Variants in KIF25 observed in about 807,000 individuals in gnomAD.
KIF25 encodes kinesin-like protein KIF25.
KIF25 carries 19 observed loss-of-function variants against 32.9 expected under a neutral mutation model. That is an observed-to-expected ratio of 0.58 (90% CI 0.40 to 0.85). The LOEUF is 0.85. Among genes scored for constraint, KIF25 ranks in the 40% least tolerant of loss-of-function variants. KIF25 has a pLI of 0.00. For synonymous variants in KIF25, 225 were observed against 213.7 expected (o/e 1.05, Z -0.46); for missense variants, 485 against 507.0 (o/e 0.96, Z 0.42).
At chr6:168,010,237 G>C (rs757478637) in intron 4 of KIF25, among the ~76,000 whole-genome samples, 3 of 151,848 alleles carry the variant, frequency 2.0e-5, no homozygotes, top group Non-Finnish European at 4.4e-5. Context: ...GTGTCCCATA[G>C]GTTTTGGAAT....
At chr6:168,020,504 G>A (rs1160720705) in intron 5 of KIF25, among the ~76,000 whole-genome samples, 1 of 151,986 alleles carries the variant, frequency 6.6e-6, no homozygotes, top group African/African-American at 2.4e-5. Context: ...CTAGTTAACT[G>A]ATTAAAGAAA....
chr6:168,032,408 A>G, intron 7 of KIF25, among the ~76,000 whole-genome samples: 1 of 152,252 alleles, frequency 6.6e-6, no homozygotes. Flanking sequence ...AAATGCATGT[A>G]AATGAATTCA....
intron 5 of KIF25, among the ~76,000 whole-genome samples, chr6:168,025,073 A>G (rs985377455): frequency 4.6e-5 from 7 of 152,142 alleles, no homozygotes; most frequent in African/African-American, 1.7e-4. Context: ...AAAGAAAGAA[A>G]GGAATGTTTG....
At chr6:168,029,072 T>C (rs1798903789) in intron 5 of KIF25, among the ~76,000 whole-genome samples, 2 of 152,222 alleles carry the variant, frequency 1.3e-5, no homozygotes, top group African/African-American at 4.8e-5. Context: ...CACTAATTGA[T>C]TTCTTTTGTT....
intron 5 of KIF25, among the ~76,000 whole-genome samples, chr6:168,019,927 G>A (rs759159907): frequency 1.1e-4 from 17 of 152,164 alleles, no homozygotes; most frequent in Non-Finnish European, 1.8e-4. Flanking sequence ...GAGGTCAAGA[G>A]ATCGAGACCA....
intron 12 of KIF25, 136 bp from the exon 13 acceptor site, chr6:168,044,691 G>T: frequency 1.2e-6 from 1 of 857,110 alleles, no homozygotes; most frequent in Non-Finnish European, 1.8e-6. Flanking sequence ...GAACCTGCCA[G>T]ACGTGGCCAC....
rs1481801394 is a variant in KIF25, at chr6:168,039,454, G to A, written c.495-611G>A. ...GTGGGGGTGCAGCTGGGAGGTGACAGAAGGAACCCTCCCCATGAGTGAGGG... is the reference window on the plus strand; with the variant it reads ...GTGGGGGTGCAGCTGGGAGGTGACAAAAGGAACCCTCCCCATGAGTGAGGG... On this transcript the variant is annotated intron_variant, in intron 9 of 12. Transcript: ENST00000643607. Among the ~76,000 whole-genome samples, 9 of 152,388 alleles carry A rather than the reference G, an allele frequency of 5.9e-5. No individual in the cohort carries two copies. The South Asian group carries it at 1.4e-3, about 25-fold the overall frequency.
chr6:168,019,960 T>C (rs1175479634), intron 5 of KIF25, among the ~76,000 whole-genome samples: 1 of 152,128 alleles, frequency 6.6e-6, no homozygotes, highest in African/African-American at 2.4e-5. Flanking sequence ...GGTGAAACCC[T>C]GTCTCTACCA....
Position 168,042,444 on chromosome 6 carries a change from C to T in KIF25, c.830-117C>T. On this transcript the variant is annotated intron_variant, in intron 11 of 12. Coordinates refer to ENST00000643607, the MANE Select transcript of KIF25 (RefSeq NM_030615.4). ...GAAAGACACTCACTCTCATGCCTGTCCCGTCCATGGCCTCCCCTCTACCTG... is the reference window on the plus strand; with the variant it reads ...GAAAGACACTCACTCTCATGCCTGTTCCGTCCATGGCCTCCCCTCTACCTG... 2.3e-6 allele frequency: 3 copies of T among 1,288,782 alleles called. No individual in the cohort carries two copies. In the Admixed American group the frequency reaches 6.2e-5, roughly 27 times the overall value. The allele number at this position is 1,288,782 out of a possible 1,614,324, so 79.8% of individuals were successfully genotyped here.
chr6:168,000,331 A>C (rs1583121007), intron 2 of KIF25, among the ~76,000 whole-genome samples: 1 of 81,128 alleles, frequency 1.2e-5, no homozygotes, highest in Admixed American at 1.4e-4. Flanking sequence ...CCCCACTCCC[A>C]TCCTGACCAC....
At chr6:168,027,785 G>A (rs1044431351) in intron 5 of KIF25, among the ~76,000 whole-genome samples, 2 of 152,216 alleles carry the variant, frequency 1.3e-5, no homozygotes, top group Non-Finnish European at 1.5e-5. Flanking sequence ...TCTGTGTCGC[G>A]TCTCTTCAGA....
chr6:168,003,254 G>C (rs565706495), intron 3 of KIF25, among the ~76,000 whole-genome samples: 83 of 152,150 alleles, frequency 5.5e-4, no homozygotes, highest in African/African-American at 1.9e-3. Flanking sequence ...GGGTATTGGA[G>C]TAAAAAAATC....
At chr6:168,010,580 G>GA (rs1246232789) in intron 4 of KIF25, among the ~76,000 whole-genome samples, 4 of 152,216 alleles carry the variant, frequency 2.6e-5, no homozygotes, top group Admixed American at 6.5e-5. Flanking sequence ...ATTTGCTGAT[G>GA]AAAAAATGTA....
At chr6:168,040,243 T>C (rs1441770809) in intron 10 of KIF25, 27 bp downstream of exon 10, 1 of 1,590,344 alleles carries the variant, frequency 6.3e-7, no homozygotes, top group African/African-American at 1.3e-5. Context: ...GCTTGGTCAG[T>C]GGCAAGTAAT....
At chr6:167,999,806 T>C (rs1798472093) in intron 2 of KIF25, among the ~76,000 whole-genome samples, 1 of 152,196 alleles carries the variant, frequency 6.6e-6, no homozygotes, top group African/African-American at 2.4e-5. Flanking sequence ...CAAAATTATC[T>C]GAAGTTCATT....
intron 12 of KIF25, among the ~76,000 whole-genome samples, chr6:168,044,410 C>G (rs111805450): frequency 0.031 from 2,083 of 67,696 alleles, 43 homozygotes; most frequent in East Asian, 0.075. Context: ...CTGACCCTCC[C>G]GGACCCGGGT....
At chr6:168,006,637 A>G (rs138515377) in intron 4 of KIF25, among the ~76,000 whole-genome samples, 59 of 152,366 alleles carry the variant, frequency 3.9e-4, no homozygotes, top group African/African-American at 1.3e-3. Flanking sequence ...TGGTGATCAC[A>G]AGATGAATTT....
At position 168,033,917 on chromosome 6, in the gene KIF25, G is replaced by A. The variant is rs573406970; in HGVS notation, c.203G>A (p.Gly68Asp). The change falls in exon 8 of 13, where the codon GGC (glycine) becomes GAC (aspartate). Residue 68 changes from glycine (G) to aspartate (D), a missense_variant. Physicochemically the swap from Gly to Asp is moderately conservative, Grantham distance 94 (BLOSUM62 -1). This residue lies in a region of KIF25 where 480 missense variants were observed against 470.3 expected (regional missense o/e 1.02). Coordinates refer to ENST00000643607, the MANE Select transcript of KIF25 (RefSeq NM_030615.4). ...TGTGTTATGGCGTATGGACAGACGG[G>A]CAGCGGAAAGAGCTATACCATGCTG... is the stretch of plus-strand genomic sequence containing the variant. ...NVCVMAYGQT[G>D]SGKSYTMLGR... is the part of the protein sequence containing the mutation. 4.3e-6 allele frequency: 7 copies of A among 1,614,172 alleles called. No individual in the cohort carries two copies. In the African/African-American group the frequency reaches 8.0e-5, roughly 18 times the overall value.
chr6:167,998,662 G>A lies in KIF25; in HGVS notation c.-807G>A, dbSNP rs1032087646. 3 of 152,158 alleles carry A rather than the reference G, an allele frequency of 2.0e-5. No homozygotes were observed. Among genetic ancestry groups the A allele is most frequent in the Admixed American group, 6.5e-5 (1 of 15,272 alleles). 9.4% of individuals were successfully genotyped at this position (152,158 alleles called of 1,614,324 possible). On this transcript the variant is annotated 5_prime_UTR_variant, in exon 1 of 13. Coordinates refer to ENST00000643607, the MANE Select transcript of KIF25 (RefSeq NM_030615.4). ...AAAATGCCTAAAATGTCGAGCCCAG[G>A]ATGCCATTCAAAGGGATTTTCCTTG...
Sources: gnomAD v4.1 joint callset for allele counts (sites outside exome capture counted in the v4.1 genomes callset) on GRCh38, gnomAD v4.1.1 for gene constraint, gnomAD v4.1.1 regional missense constraint, MANE v1.5 for transcripts, NCBI Gene and HGNC (gene_info 2026-07-23, HGNC 2026-07-21) for gene names.